CCDC33: variants seen among roughly 807,000 people sequenced by gnomAD.
CCDC33 encodes the protein coiled-coil domain containing 33.
A neutral mutation model predicts 91.9 loss-of-function variants in CCDC33; 94 were observed. That is an observed-to-expected ratio of 1.02 (90% CI 0.87 to 1.21). The LOEUF is 1.21. CCDC33 is among the 50% of genes most tolerant of loss of function. The pLI, the probability that CCDC33 is intolerant of heterozygous loss-of-function variation, is 0.00. For synonymous variants in CCDC33, 396 were observed against 374.5 expected (o/e 1.06, Z -0.66); for missense variants, 940 against 935.5 (o/e 1.00, Z -0.06).
chr15:74,232,079 T>G (rs1376084927), upstream of CCDC33, among the ~76,000 whole-genome samples: 1 of 152,080 alleles, frequency 6.6e-6, no homozygotes, highest in Non-Finnish European at 1.5e-5. Flanking sequence ...TGAAATGACA[T>G]GGCGCAGGTC....
chr15:74,246,052 G>A (rs932204033), intron 2 of CCDC33, among the ~76,000 whole-genome samples: 1 of 152,194 alleles, frequency 6.6e-6, no homozygotes, highest in African/African-American at 2.4e-5. Context: ...AACCTGGAAA[G>A]AATTTATATC....
intron 11 of CCDC33, among the ~76,000 whole-genome samples, chr15:74,313,415 C>CTTATTTTTTTT (rs2060028487): frequency 2.1e-5 from 2 of 94,182 alleles, no homozygotes; most frequent in East Asian, 6.6e-4. Flanking sequence ...TTCTTTCTTT[C>CTTATTTTTTTT]TTTTTTTTTT....
In CCDC33 at chr15:74,322,380, C is replaced by A. The variant is rs1270078752; in HGVS notation, c.1291-7809C>A. On this transcript the variant is annotated intron_variant, in intron 11 of 18. Coordinates refer to ENST00000398814, the MANE Select transcript of CCDC33 (RefSeq NM_025055.5). ...TTTGGGCTTCCTCACAGTCTCAGGG[C>A]AGCAAGGAATTAGCAGCTAGCAGGG... is the stretch of plus-strand genomic sequence containing the variant. 2.0e-5 allele frequency among the ~76,000 whole-genome samples: 3 copies of A among 152,144 alleles called. No individual in the cohort carries two copies. In the East Asian group the frequency reaches 5.8e-4, roughly 29 times the overall value.
In CCDC33 at chr15:74,294,441, TAAA is replaced by T. The variant is rs144322138; in HGVS notation, c.1096-1303_1096-1301del. Among the ~76,000 whole-genome samples, 21 of 150,236 alleles carry T rather than the reference TAAA, an allele frequency of 1.4e-4. No homozygotes were observed. In the East Asian group the frequency reaches 2.5e-3, roughly 18 times the overall value. ...AGCCCAAGGAACTTAAAATTTTATT[TAAA>T]AAAAAAAAACAAAAAAAAAGCAGCC... On this transcript the variant is annotated intron_variant, in intron 10 of 18. Transcript: ENST00000398814.
At chr15:74,292,663 G>A (rs2059606343) in intron 10 of CCDC33, among the ~76,000 whole-genome samples, 1 of 152,228 alleles carries the variant, frequency 6.6e-6, no homozygotes. Context: ...CAGGGGAATG[G>A]GAATGTGGGC....
chr15:74,315,520 G>A (rs950176346), intron 11 of CCDC33, among the ~76,000 whole-genome samples: 1 of 152,262 alleles, frequency 6.6e-6, no homozygotes, highest in Non-Finnish European at 1.5e-5. Context: ...TCAGGTGACT[G>A]GTGGTGAAGT....
At chr15:74,282,603 C>T (rs952562380) in intron 10 of CCDC33, among the ~76,000 whole-genome samples, 19 of 152,186 alleles carry the variant, frequency 1.2e-4, no homozygotes, top group African/African-American at 4.6e-4. Flanking sequence ...TTAAAGTCAA[C>T]GGTGCCATGT....
At position 74,280,675 on chromosome 15, in the gene CCDC33, C is replaced by T. The variant is rs753963076; in HGVS notation, c.897C>T (p.Gly299=). The T allele has an allele frequency of 1.3e-6, 2 of 1,488,600 alleles. No homozygotes were observed. Among genetic ancestry groups the T allele is most frequent in the Non-Finnish European group, 1.8e-6 (2 of 1,116,698 alleles). 92.2% of individuals were successfully genotyped at this position (1,488,600 alleles called of 1,614,324 possible). A position where few individuals can be genotyped will look rare whatever the true frequency, so the allele number is the denominator to read the frequency against. ...LEYYSSTSMK[G]SQPWTLNQPL... ...TTGATCCTTCCCCCACAGTGAAAGG[C>T]AGCCAGCCGTGGACCCTCAACCAGC... Residue 299 remains glycine (G), a synonymous_variant, in exon 9 of 19, where the codon GGC becomes GGT. Transcript: ENST00000398814.
intron 3 of CCDC33, among the ~76,000 whole-genome samples, chr15:74,264,371 G>A (rs1940941277): frequency 6.6e-6 from 1 of 152,126 alleles, no homozygotes; most frequent in African/African-American, 2.4e-5. Flanking sequence ...AGGCCGGAAG[G>A]GCACAATGCC....
upstream of CCDC33, among the ~76,000 whole-genome samples, chr15:74,235,382 C>T (rs540958009): frequency 6.6e-6 from 1 of 152,206 alleles, no homozygotes; most frequent in Non-Finnish European, 1.5e-5. Context: ...TCTGCAAAGC[C>T]GGAGTCTCCT....
intron 2 of CCDC33, among the ~76,000 whole-genome samples, chr15:74,229,607 G>A (rs1202373036): frequency 6.6e-6 from 1 of 152,240 alleles, no homozygotes; most frequent in East Asian, 1.9e-4. Context: ...CTCACTGTTA[G>A]CTATTATTAT....
intron 2 of CCDC33, chr15:74,221,434 C>T (rs978650538): frequency 1.7e-5 from 9 of 540,186 alleles, no homozygotes; most frequent in Admixed American, 6.4e-5. Context: ...TTCTCAGCCA[C>T]GGCCCCTGGG....
chr15:74,214,426 C>A (rs1394823440), upstream of CCDC33, among the ~76,000 whole-genome samples: 2 of 152,150 alleles, frequency 1.3e-5, no homozygotes, highest in Non-Finnish European at 2.9e-5. Flanking sequence ...CCCTGCCCCC[C>A]AGAGACAGTC....
At chr15:74,247,725 C>G (rs1336264569) in intron 2 of CCDC33, among the ~76,000 whole-genome samples, 2 of 152,276 alleles carry the variant, frequency 1.3e-5, no homozygotes, top group Non-Finnish European at 2.9e-5. Context: ...TACAAACTCT[C>G]AGTTTTGGGA....
exon 2 of CCDC33, chr15:74,209,518 C>G: frequency 7.3e-7 from 1 of 1,365,520 alleles, no homozygotes; most frequent in Admixed American, 2.1e-5. Context: ...CACAGGGCTT[C>G]AGGGCTGGAA....
rs368420943 is a variant in CCDC33 at position 74,208,762 on chromosome 15, C to G, written n.90-626C>G. 8.3e-5 allele frequency: 82 copies of G among 988,896 alleles called. 1 individual carries two copies. The African/African-American group carries it at 1.4e-3, about 17-fold the overall frequency. 61.3% of individuals were successfully genotyped at this position (988,896 alleles called of 1,614,324 possible). ...CTTCTCGCTGTTCCCCGACCTGTTC[C>G]AATCCCACCTGGCCTCCCAGACTTG... On this transcript the variant is annotated intron_variant and non_coding_transcript_variant, in intron 1 of 3. Coordinates refer to the CCDC33 transcript ENST00000558645.
chr15:74,221,218 T>G (rs965491902), intron 2 of CCDC33: 1 of 248,204 alleles, frequency 4.0e-6, no homozygotes, highest in Non-Finnish European at 5.1e-6. Context: ...TGGCACTGGT[T>G]TTTTTTTTTT....
intron 2 of CCDC33, chr15:74,209,559 G>T: frequency 1.1e-6 from 1 of 890,196 alleles, no homozygotes; most frequent in Non-Finnish European, 1.7e-6. Context: ...CAGGGGAAGT[G>T]AAAAAGGCCC....
intron 11 of CCDC33, among the ~76,000 whole-genome samples, chr15:74,315,210 C>T (rs529474791): frequency 3.9e-5 from 6 of 152,178 alleles, no homozygotes; most frequent in African/African-American, 1.4e-4. Flanking sequence ...GCTCGAGTTG[C>T]GGGGAGGCCT....
Sources: allele counts gnomAD v4.1 joint callset (sites outside exome capture counted in the v4.1 genomes callset), GRCh38; gene constraint gnomAD v4.1.1; transcripts MANE v1.5; gene names NCBI Gene and HGNC (gene_info 2026-07-23, HGNC 2026-07-21).